The following AGAP3 variants were observed in gnomAD, a reference collection of about 807,000 sequenced individuals.
AGAP3 encodes arf-GAP with GTPase, ANK repeat and PH domain-containing protein 3.
In AGAP3, 24 loss-of-function variants were observed where a neutral mutation model predicts 96.9. That is an observed-to-expected ratio of 0.25 (90% CI 0.18 to 0.35). AGAP3 has a LOEUF of 0.35. AGAP3 is among the 10% of genes least tolerant of loss of function. The probability of loss-of-function intolerance (pLI) is 1.00; values close to 1 mark genes in which losing one functional copy is unlikely to be tolerated. For synonymous variants in AGAP3, 563 were observed against 536.1 expected (o/e 1.05, Z -0.69); for missense variants, 876 against 1,254.2 (o/e 0.70, Z 4.55).
intron 10 of AGAP3, among the ~76,000 whole-genome samples, chr7:151,132,103 G>T (rs1800425833): frequency 6.6e-6 from 1 of 152,228 alleles, no homozygotes; most frequent in Admixed American, 6.5e-5. Flanking sequence ...GCAAGACAGA[G>T]GGCCGGCGGG....
chr7:151,090,236 T>TTG (rs1009184455), intron 1 of AGAP3: 1 of 116,732 alleles, frequency 8.6e-6, no homozygotes, highest in Non-Finnish European at 2.0e-5. Flanking sequence ...AGTTCCCAGA[T>TTG]GGGGGGGGGG....
chr7:151,124,933 C>T (rs1051852923), intron 9 of AGAP3, among the ~76,000 whole-genome samples: 2 of 152,242 alleles, frequency 1.3e-5, no homozygotes, highest in Non-Finnish European at 2.9e-5. Flanking sequence ...GCATTTATGT[C>T]TGGCAGTGAC....
upstream of AGAP3, among the ~76,000 whole-genome samples, chr7:151,086,244 G>C (rs1258917917): frequency 6.6e-6 from 1 of 151,882 alleles, no homozygotes; most frequent in Non-Finnish European, 1.5e-5. Context: ...AGGCGGAAGG[G>C]CCGAGGCTGA....
chr7:151,116,055 C>A (rs561660562), intron 1 of AGAP3, among the ~76,000 whole-genome samples: 1 of 152,326 alleles, frequency 6.6e-6, no homozygotes, highest in Non-Finnish European at 1.5e-5. Flanking sequence ...TGCTGCCCAG[C>A]TAGAGAGGGG....
At chr7:151,107,982 G>A (rs1342365568) in intron 1 of AGAP3, among the ~76,000 whole-genome samples, 1 of 152,202 alleles carries the variant, frequency 6.6e-6, no homozygotes, top group Non-Finnish European at 1.5e-5. Flanking sequence ...GTGAGGTGTA[G>A]GATCCTCTGG....
chr7:151,121,991 ACTT>A (rs1422582972), intron 8 of AGAP3, among the ~76,000 whole-genome samples: 1 of 152,028 alleles, frequency 6.6e-6, no homozygotes, highest in East Asian at 1.9e-4. Flanking sequence ...CTCTCCTGTG[ACTT>A]CATGTGCTCA....
Position 151,123,827 on chromosome 7 carries a change from A to G in AGAP3, c.1162A>G (p.Lys388Glu), listed in dbSNP as rs766246578. 6.2e-7 allele frequency: 1 copy of G among 1,612,706 alleles called. No homozygotes were observed. Among genetic ancestry groups the G allele is most frequent in the Admixed American group, 1.7e-5 (1 of 60,010 alleles). The stretch of plus-strand genomic sequence containing the variant: ...GGGTGCTGACCTGGACCGGGAGAAG[A>G]AGGCTGCCGAGTGCAAGGTGGACAG... Reference protein sequence around the residue: ...RKGADLDREKKAAECKVDSIG... With the variant: ...RKGADLDREKEAAECKVDSIG... The change falls in exon 9 of 18, where the codon AAG becomes GAG. Residue 388 changes from lysine to glutamate, a missense_variant. This residue lies in a region of AGAP3 where 49 missense variants were observed against 41.7 expected (regional missense o/e 1.17). Coordinates refer to ENST00000397238, the MANE Select transcript of AGAP3 (RefSeq NM_031946.7).
chr7:151,115,419 C>G, intron 1 of AGAP3: 2 of 1,009,608 alleles, frequency 2.0e-6, no homozygotes, highest in Non-Finnish European at 2.4e-6. Context: ...CGCGCGCACC[C>G]GTAGCGACGG....
chr7:151,086,016 G>A (rs72617352), upstream of AGAP3: 16,478 of 152,516 alleles, frequency 0.11, 1,929 homozygotes, highest in African/African-American at 0.29. Flanking sequence ...CGCTGTAAGC[G>A]AGGAGCAGCT....
intron 1 of AGAP3, chr7:151,116,356 G>T: frequency 5.8e-6 from 1 of 171,356 alleles, no homozygotes; most frequent in South Asian, 1.6e-4. Context: ...CTGCCAGGGT[G>T]CGCTGTTCTT....
intron 11 of AGAP3, 99 bp from the exon 12 acceptor site, chr7:151,138,044 G>A (rs1800669187): frequency 1.0e-6 from 1 of 973,266 alleles, no homozygotes; most frequent in Non-Finnish European, 1.5e-6. Flanking sequence ...CCTGCTGAAT[G>A]TCTCAGGCTC....
chr7:151,087,284 T>G, intron 1 of AGAP3: 1 of 594,286 alleles, frequency 1.7e-6, no homozygotes. Flanking sequence ...GGGGGTTTTC[T>G]GCTGACTGTG....
chr7:151,138,107 G>T (rs772616336), intron 11 of AGAP3, 36 bp from the exon 12 acceptor site: 19 of 1,498,632 alleles, frequency 1.3e-5, no homozygotes, highest in Non-Finnish European at 1.7e-5. Context: ...TCCCCTGCCC[G>T]GCCTCCCTTC....
At chr7:151,092,328 A>C (rs1798431831) in intron 1 of AGAP3, among the ~76,000 whole-genome samples, 1 of 152,222 alleles carries the variant, frequency 6.6e-6, no homozygotes. Flanking sequence ...AAGAACTCCC[A>C]TGTCCGTGTG....
intron 1 of AGAP3, among the ~76,000 whole-genome samples, chr7:151,106,878 C>G (rs1799076616): frequency 6.6e-6 from 1 of 152,168 alleles, no homozygotes; most frequent in South Asian, 2.1e-4. Context: ...CCTGCAGTGG[C>G]CTAGAGCATC....
intron 1 of AGAP3, among the ~76,000 whole-genome samples, chr7:151,104,563 C>A (rs78678974): frequency 0.02 from 2,986 of 152,268 alleles, 102 homozygotes; most frequent in African/African-American, 0.068. Context: ...TGAAAAGGCG[C>A]AACCTCACTA....
At chr7:151,089,986 T>C (rs1162279785) in intron 1 of AGAP3, 1 of 152,056 alleles carries the variant, frequency 6.6e-6, no homozygotes, top group Non-Finnish European at 1.5e-5. Context: ...CAGTGAGCGC[T>C]CCCTGACAGC....
At chr7:151,129,862 C>G (rs1239552356) in intron 10 of AGAP3, among the ~76,000 whole-genome samples, 1 of 152,220 alleles carries the variant, frequency 6.6e-6, no homozygotes, top group Non-Finnish European at 1.5e-5. Context: ...GTGTACACAG[C>G]CCTACACTAA....
In AGAP3 at chr7:151,096,542, G is replaced by C. The variant is rs920238852; in HGVS notation, c.331+9470G>C. On this transcript the variant is annotated intron_variant, in intron 1 of 17. Coordinates refer to ENST00000397238, the MANE Select transcript of AGAP3 (RefSeq NM_031946.7). The surrounding 1 kb of genome is among the most constrained non-coding windows in gnomAD (Gnocchi z 4.4). ...GGCTGGAGTGCAGTGGCGCGATCTCGGCTCACTGCAACCTCTGCCTCCCAG... is the reference window on the plus strand; with the variant it reads ...GGCTGGAGTGCAGTGGCGCGATCTCCGCTCACTGCAACCTCTGCCTCCCAG... Among the ~76,000 whole-genome samples, 13 of 150,202 alleles carry C rather than the reference G, an allele frequency of 8.7e-5. No individual in the cohort carries two copies. The highest frequency in any genetic ancestry group is 3.2e-4 in the African/African-American group (13 of 40,714).
Sources: allele counts gnomAD v4.1 joint callset (sites outside exome capture counted in the v4.1 genomes callset), GRCh38; gene constraint gnomAD v4.1.1; regional missense constraint gnomAD v4.1.1; non-coding constraint Gnocchi (gnomAD v3.1); transcripts MANE v1.5; gene names NCBI Gene and HGNC (gene_info 2026-07-23, HGNC 2026-07-21).